The following OGT variants were observed in gnomAD, a reference collection of about 807,000 sequenced individuals.
OGT encodes UDP-N-acetylglucosamine--peptide N-acetylglucosaminyltransferase 110 kDa subunit.
Under a neutral mutation model 75.8 loss-of-function variants are expected in OGT, and 3 were observed. The ratio of observed to expected loss-of-function variants is 0.04; its 90% CI spans 0.02 to 0.10. OGT has a LOEUF of 0.10. OGT is among the 10% of genes least tolerant of loss of function. OGT has a pLI of 1.00. For missense variants in OGT, 260 were observed against 824.4 expected (o/e 0.32, Z 8.38); for synonymous variants, 257 against 289.7 (o/e 0.89, Z 1.15).
At chrX:71,554,315 CAT>C (rs1214068031) in intron 5 of OGT, among the ~76,000 whole-genome samples, 196 bp from the exon 6 acceptor site, 5 of 111,740 alleles carry the variant, frequency 4.5e-5, no homozygotes, top group Non-Finnish European at 9.4e-5. Flanking sequence ...CTCATGAGAA[CAT>C]GAGGCATGAG....
intron 3 of OGT, among the ~76,000 whole-genome samples, chrX:71,541,834 A>G (rs2040221788): frequency 9.0e-6 from 1 of 111,296 alleles, no homozygotes; most frequent in Non-Finnish European, 1.9e-5. Flanking sequence ...GGGAGGCTCT[A>G]GGAGGAAAGG....
At chrX:71,564,947 A>G (rs1456810806) in intron 19 of OGT, among the ~76,000 whole-genome samples, 194 bp downstream of exon 19, 1 of 111,776 alleles carries the variant, frequency 8.9e-6, no homozygotes, top group East Asian at 2.8e-4. Context: ...ACCTGAGGTC[A>G]GGAGCTTGAG....
rs2040475080 is a variant in OGT, at chrX:71,573,917, T to C, written c.*123T>C. On this transcript the variant is annotated 3_prime_UTR_variant, in exon 22 of 22. Coordinates refer to ENST00000373719, the MANE Select transcript of OGT (RefSeq NM_181672.3). Reference sequence around the variant, plus strand: ...CTTGTTGCAGATGGGTGATATATAATGGTAATAGAATAGCACAGCCAGACT... The same window carrying C: ...CTTGTTGCAGATGGGTGATATATAACGGTAATAGAATAGCACAGCCAGACT... 2 of 485,835 alleles carry C rather than the reference T, an allele frequency of 4.1e-6. No individual in the cohort carries two copies. Among genetic ancestry groups the C allele is most frequent in the African/African-American group, 2.4e-5 (1 of 41,680 alleles). The allele number at this position is 485,835 out of a possible 1,213,427, so 40.0% of individuals were successfully genotyped here.
chrX:71,546,879 C>T, intron 4 of OGT: 1 of 754,820 alleles, frequency 1.3e-6, no homozygotes, highest in Non-Finnish European at 1.6e-6. Flanking sequence ...GATTGACTGG[C>T]TCCCTCAGTC....
rs181265775 is a variant in OGT at position 71,563,622 on chromosome X, T to C, written c.2436+123T>C. 1.1e-5 allele frequency: 6 copies of C among 544,343 alleles called. No homozygotes were observed. In the African/African-American group the frequency reaches 1.4e-4, roughly 13 times the overall value. 44.9% of individuals were successfully genotyped at this position (544,343 alleles called of 1,213,427 possible). ...ATTTTTATGGATGAGGAAATGAGTT[T>C]AGTGGAAACGTGCATCTTATATAGG... On this transcript the variant is annotated intron_variant, in intron 18 of 21. Coordinates refer to ENST00000373719, the MANE Select transcript of OGT (RefSeq NM_181672.3).
intron 2 of OGT, among the ~76,000 whole-genome samples, chrX:71,537,495 G>T (rs771115728): frequency 9.0e-6 from 1 of 110,618 alleles, no homozygotes; most frequent in Non-Finnish European, 1.9e-5. Context: ...TGGAGACGGG[G>T]TTTCACCATA....
chrX:71,543,849 C>T (rs1363584263), intron 3 of OGT, among the ~76,000 whole-genome samples: 1 of 105,133 alleles, frequency 9.5e-6, no homozygotes, highest in Non-Finnish European at 2.0e-5. Flanking sequence ...TGCAGTGGCA[C>T]GATCTCGGCT....
Position 71,533,203 on chromosome X carries a change from T to G in OGT, c.-97T>G. 2.3e-6 allele frequency: 2 copies of G among 873,045 alleles called. No individual in the cohort carries two copies. Among genetic ancestry groups the G allele is most frequent in the Admixed American group, 5.2e-5 (2 of 38,306 alleles). The allele number at this position is 873,045 out of a possible 1,213,427, so 71.9% of individuals were successfully genotyped here. A position where few individuals can be genotyped will look rare whatever the true frequency, so the allele number is the denominator to read the frequency against. On this transcript the variant is annotated 5_prime_UTR_variant, in exon 1 of 22. Coordinates refer to ENST00000373719, the MANE Select transcript of OGT (RefSeq NM_181672.3). ...AAGCCCTCCAGAGCATTGCTACGGC[T>G]GCTGCCCTTGTACTACTACCTCCAA...
chrX:71,536,555 T>G (rs367972388), intron 2 of OGT, 197 bp downstream of exon 2: 8 of 343,950 alleles, frequency 2.3e-5, no homozygotes, highest in East Asian at 2.3e-4. Flanking sequence ...GGTGGTTATA[T>G]TATCAGTATG....
intron 14 of OGT, among the ~76,000 whole-genome samples, chrX:71,560,663 A>G (rs984354451): frequency 1.8e-5 from 2 of 112,073 alleles, no homozygotes; most frequent in Admixed American, 9.4e-5. Context: ...CTCATTTAAT[A>G]AATAGTATGT....
intron 12 of OGT, among the ~76,000 whole-genome samples, chrX:71,558,340 A>G (rs903732928): frequency 1.8e-4 from 20 of 109,442 alleles, no homozygotes; most frequent in African/African-American, 6.3e-4. Context: ...CAAAGGTTGG[A>G]TAATAGATTG....
chrX:71,554,371 A>G, intron 5 of OGT, 142 bp from the exon 6 acceptor site: 1 of 430,396 alleles, frequency 2.3e-6, no homozygotes, highest in Admixed American at 3.9e-5. Flanking sequence ...TAATGAGAAG[A>G]CACTAAATAA....
chrX:71,534,397 A>G (rs942944744), intron 1 of OGT: 2 of 110,894 alleles, frequency 1.8e-5, no homozygotes, highest in Non-Finnish European at 3.8e-5. Flanking sequence ...GAAAACAACC[A>G]AATTGTAGGA....
At chrX:71,557,837 G>A (rs960737529) in intron 12 of OGT, among the ~76,000 whole-genome samples, 165 bp downstream of exon 12, 1 of 111,927 alleles carries the variant, frequency 8.9e-6, no homozygotes, top group Non-Finnish European at 1.9e-5. Context: ...ATTGTGTCCT[G>A]AGTATAACCC....
intron 21 of OGT, 95 bp from the exon 22 acceptor site, chrX:71,573,525 C>A (rs2040471866): frequency 2.7e-6 from 2 of 731,826 alleles, no homozygotes; most frequent in Non-Finnish European, 2.0e-6. Flanking sequence ...TTTGGTCATG[C>A]ATTTTTTGCC....
At chrX:71,542,323 G>A (rs2040225144) in intron 3 of OGT, among the ~76,000 whole-genome samples, 1 of 112,056 alleles carries the variant, frequency 8.9e-6, no homozygotes, top group Non-Finnish European at 1.9e-5. Flanking sequence ...AGCTGTTCAT[G>A]CACATAGGTT....
intron 4 of OGT, chrX:71,546,541 C>A (rs2040260068): frequency 2.7e-6 from 2 of 752,796 alleles, no homozygotes; most frequent in Non-Finnish European, 3.1e-6. Flanking sequence ...ATGCCTGAAT[C>A]TTCTGTCTTG....
chrX:71,564,094 G>GCTAC (rs1408365389), intron 18 of OGT, among the ~76,000 whole-genome samples: 38 of 112,091 alleles, frequency 3.4e-4, no homozygotes, highest in Admixed American at 1.1e-3. Flanking sequence ...TATCAAGAGA[G>GCTAC]TGTAAGGCAA....
chrX:71,547,704 G>A (rs2040270765), intron 4 of OGT: 1 of 1,061,079 alleles, frequency 9.4e-7, no homozygotes. Flanking sequence ...TGGCGCAGGC[G>A]CAGGAGCAGC....
Sources: allele counts gnomAD v4.1 joint callset (sites outside exome capture counted in the v4.1 genomes callset), GRCh38; gene constraint gnomAD v4.1.1; transcripts MANE v1.5; gene names NCBI Gene and HGNC (gene_info 2026-07-23, HGNC 2026-07-21).